The following PCLO variants were observed in gnomAD, a reference collection of about 807,000 sequenced individuals.
The protein encoded by PCLO is protein piccolo.
PCLO carries 82 observed loss-of-function variants against 427.5 expected under a neutral mutation model. The ratio of observed to expected loss-of-function variants is 0.19; its 90% CI spans 0.16 to 0.23. The LOEUF (loss-of-function observed/expected upper bound fraction) is 0.23. Ranked by LOEUF, PCLO falls within the 10% of genes least tolerant of loss-of-function variation. PCLO has a pLI of 1.00. For missense variants in PCLO, 6,239 were observed against 6,115.9 expected, an observed-to-expected ratio of 1.02 and a Z score of -0.67; for synonymous variants, 2,357 against 2,155.4, an observed-to-expected ratio of 1.09 and a Z score of -2.59.
At chr7:83,033,413 T>C (rs1439563957) in intron 3 of PCLO, among the ~76,000 whole-genome samples, 2 of 152,172 alleles carry the variant, frequency 1.3e-5, no homozygotes, top group Non-Finnish European at 2.9e-5. Flanking sequence ...GTATCTGTTA[T>C]TTGTATGGCA....
At chr7:82,803,364 A>G (rs1323600850) in intron 21 of PCLO, among the ~76,000 whole-genome samples, 3 of 152,104 alleles carry the variant, frequency 2.0e-5, no homozygotes, top group Non-Finnish European at 4.4e-5. Context: ...GACTTTTAAA[A>G]AGTAGTTACT....
In PCLO at chr7:82,956,367, C is replaced by T. The variant is rs201456948; in HGVS notation, c.4586G>A (p.Arg1529Gln). ...GCTTGATGAGCCAACACTAGTTCTT[C>T]GTTTTCTTTGTGGAACAGGTGAGTT... ...SENSPVPQRK[R>Q]RTSVGSSSSD... The change falls in exon 5 of 25, where the codon CGA becomes CAA. Residue 1529 changes from arginine (R) to glutamine (Q), a missense_variant. Arg to Gln is a conservative substitution (Grantham distance 43, BLOSUM62 1). Around this residue, in one of 5 missense-constraint regions of PCLO, gnomAD observed 4,677 missense variants for 4,468.4 expected, o/e 1.05. Transcript: ENST00000333891. 5.0e-6 allele frequency: 8 copies of T among 1,613,250 alleles called. No homozygotes were observed. In the South Asian group the frequency reaches 5.5e-5, roughly 11 times the overall value.
intron 3 of PCLO, among the ~76,000 whole-genome samples, chr7:83,000,855 AATTT>A (rs934699315): frequency 2.6e-5 from 4 of 152,098 alleles, no homozygotes; most frequent in East Asian, 1.9e-4. Context: ...ATTCTTAATT[AATTT>A]AACTGATAAA....
intron 3 of PCLO, among the ~76,000 whole-genome samples, chr7:82,982,606 A>G (rs1796171287): frequency 6.6e-6 from 1 of 150,670 alleles, no homozygotes. Flanking sequence ...TGATTTTTTT[A>G]AAAGCAAACA....
rs1293230181 is a variant in PCLO at position 82,999,684 on chromosome 7, T to A, written c.3301-33197A>T. On this transcript the variant is annotated intron_variant, in intron 3 of 24. Transcript: ENST00000333891. ...TATAAAATATAAAATATATTATATA[T>A]AAAATAATATATAATATTAAATATA... Among the ~76,000 whole-genome samples the A allele has an allele frequency of 1.0e-4, 2 of 19,100 alleles. 1 individual carries two copies. Among genetic ancestry groups the A allele is most frequent in the African/African-American group, 1.4e-3 (2 of 1,434 alleles). The allele number at this position is 19,100 out of a possible 152,430, so 12.5% of individuals were successfully genotyped here. A position where few individuals can be genotyped will look rare whatever the true frequency, so the allele number is the denominator to read the frequency against.
chr7:82,778,028 A>G (rs73157791), intron 22 of PCLO, among the ~76,000 whole-genome samples: 32,607 of 152,112 alleles, frequency 0.21, 4,631 homozygotes, highest in Non-Finnish European at 0.31. Context: ...AAATATCTAA[A>G]TCTAATATCC....
intron 24 of PCLO, among the ~76,000 whole-genome samples, chr7:82,760,060 G>A: frequency 6.6e-6 from 1 of 151,904 alleles, no homozygotes; most frequent in East Asian, 1.9e-4. Flanking sequence ...TTGAAGGGGA[G>A]AAAAAATATG....
chr7:83,100,341 T>C (rs1014160556), intron 3 of PCLO, among the ~76,000 whole-genome samples: 1 of 152,102 alleles, frequency 6.6e-6, no homozygotes, highest in Non-Finnish European at 1.5e-5. Flanking sequence ...AACCATTCTA[T>C]TGTAAAGACA....
rs748292923 is a variant in PCLO, at chr7:82,955,501, T to C, written c.5452A>G (p.Arg1818Gly). 18 of 1,613,706 alleles carry C rather than the reference T, an allele frequency of 1.1e-5. No individual in the cohort carries two copies. The highest frequency in any genetic ancestry group is 1.4e-5 in the Non-Finnish European group (17 of 1,179,858). The change falls in exon 5 of 25, where the codon AGA becomes GGA. Residue 1818 changes from arginine to glycine, a missense_variant. Physicochemically the swap from Arg to Gly is moderately radical, Grantham distance 125 (BLOSUM62 -2). Coordinates refer to ENST00000333891, the MANE Select transcript of PCLO (RefSeq NM_033026.6). ...KKDKDELRAQ[R>G]RRERPKTPPS... ...GGTGTCTTTGGCCTTTCCCTTCTTC[T>C]CTGAGCTCGAAGTTCATCTTTGTCT...
At chr7:83,077,820 T>C (rs893297735) in intron 3 of PCLO, among the ~76,000 whole-genome samples, 4 of 152,016 alleles carry the variant, frequency 2.6e-5, no homozygotes, top group African/African-American at 7.2e-5. Context: ...AAAGAAGACT[T>C]ATTTCAAGGA....
At chr7:82,893,534 T>G (rs4568567) in intron 9 of PCLO, among the ~76,000 whole-genome samples, 5,060 of 151,386 alleles carry the variant, frequency 0.033, 291 homozygotes, top group African/African-American at 0.11. Flanking sequence ...TAACAAACCT[T>G]CACGTTGTGC....
At chr7:82,912,028 T>C (rs1794334730) in intron 7 of PCLO, among the ~76,000 whole-genome samples, 1 of 152,170 alleles carries the variant, frequency 6.6e-6, no homozygotes, top group Non-Finnish European at 1.5e-5. Context: ...AACAAATCTT[T>C]TAGAATATAT....
intron 6 of PCLO, among the ~76,000 whole-genome samples, chr7:82,935,859 C>A (rs577147434): frequency 2.0e-5 from 3 of 151,738 alleles, no homozygotes; most frequent in Admixed American, 6.6e-5. Flanking sequence ...CTGGCAAAAA[C>A]TGACAGAATC....
chr7:82,834,952 T>TTTTG lies in PCLO; in HGVS notation c.14249+711_14249+714dup, dbSNP rs879762811. On this transcript the variant is annotated intron_variant, in intron 16 of 24. Transcript: ENST00000333891. ...AAGTTCAAACACCTATTATCTTTTT[T>TTTTG]TTTGTTTGTTTGTTTGTTTGTTTGT... Among the ~76,000 whole-genome samples, 314 of 126,842 alleles carry TTTTG rather than the reference T, an allele frequency of 2.5e-3. 1 individual carries two copies. Among genetic ancestry groups the TTTTG allele is most frequent in the Middle Eastern group, 8.1e-3 (2 of 246 alleles). 83.2% of individuals were successfully genotyped at this position (126,842 alleles called of 152,430 possible). A position where few individuals can be genotyped will look rare whatever the true frequency, so the allele number is the denominator to read the frequency against.
At chr7:82,789,517 C>T (rs1221949397) in intron 22 of PCLO, among the ~76,000 whole-genome samples, 3 of 152,048 alleles carry the variant, frequency 2.0e-5, no homozygotes, top group Non-Finnish European at 2.9e-5. Flanking sequence ...ACCAGCCTGG[C>T]CAACATGGTG....
At chr7:83,087,321 G>A (rs1279404849) in intron 3 of PCLO, among the ~76,000 whole-genome samples, 1 of 151,918 alleles carries the variant, frequency 6.6e-6, no homozygotes, top group Non-Finnish European at 1.5e-5. Flanking sequence ...TGGGAGGAGG[G>A]CGACAGATTA....
At chr7:82,869,340 T>C (rs1793174270) in intron 10 of PCLO, among the ~76,000 whole-genome samples, 1 of 152,064 alleles carries the variant, frequency 6.6e-6, no homozygotes, top group Non-Finnish European at 1.5e-5. Context: ...ACTAAGTCTC[T>C]AAGTAGAGCA....
chr7:83,119,530 C>T (rs1349770025), intron 3 of PCLO, among the ~76,000 whole-genome samples: 1 of 151,910 alleles, frequency 6.6e-6, no homozygotes, highest in African/African-American at 2.4e-5. Flanking sequence ...AACTCATTTC[C>T]CTTTTGAATA....
rs1795447104 is a variant in PCLO at position 82,954,216 on chromosome 7, G to C, written c.6737C>G (p.Ser2246Cys). 2 of 1,613,622 alleles carry C rather than the reference G, an allele frequency of 1.2e-6. No homozygotes were observed. The highest frequency in any genetic ancestry group is 1.7e-6 in the Non-Finnish European group (2 of 1,179,710). Residue 2246 changes from serine to cysteine, a missense_variant, in exon 5 of 25, where the codon TCT becomes TGT. Around this residue, in one of 5 missense-constraint regions of PCLO, gnomAD observed 4,677 missense variants for 4,468.4 expected, o/e 1.05. Transcript: ENST00000333891. ...IIDYPEEISV[S>C]LDRTAPPDGR... ...ATCTGGTGGGGCAGTCCGATCTAAAGATACACTTATTTCTTCTGGATAGTC... is the reference window on the plus strand; with the variant it reads ...ATCTGGTGGGGCAGTCCGATCTAAACATACACTTATTTCTTCTGGATAGTC...
Sources: gnomAD v4.1 joint callset for allele counts (sites outside exome capture counted in the v4.1 genomes callset) on GRCh38, gnomAD v4.1.1 for gene constraint, gnomAD v4.1.1 regional missense constraint, MANE v1.5 for transcripts, NCBI Gene and HGNC (gene_info 2026-07-23, HGNC 2026-07-21) for gene names.